HK1: variants seen among roughly 807,000 people sequenced by gnomAD.
The protein encoded by HK1 is hexokinase 1.
HK1 carries 28 observed loss-of-function variants against 91.6 expected under a neutral mutation model. That is an observed-to-expected ratio of 0.31 (90% CI 0.23 to 0.42). The LOEUF is 0.42. Among genes scored for constraint, HK1 ranks in the 10% least tolerant of loss-of-function variants. The pLI, the probability that HK1 is intolerant of heterozygous loss-of-function variation, is 1.00. For synonymous variants in HK1, 430 were observed against 468.1 expected, an observed-to-expected ratio of 0.92 and a Z score of 1.05; for missense variants, 770 against 1,219.8, an observed-to-expected ratio of 0.63 and a Z score of 5.49.
chr10:69,308,248 G>T (rs146469488), intron 5 of HK1, among the ~76,000 whole-genome samples: 1 of 152,064 alleles, frequency 6.6e-6, no homozygotes, highest in Non-Finnish European at 1.5e-5. Context: ...GGATGGTTTC[G>T]GGGTGAAACT....
upstream of HK1, among the ~76,000 whole-genome samples, chr10:69,315,467 G>A (rs1215401677): frequency 6.6e-6 from 1 of 152,172 alleles, no homozygotes; most frequent in Non-Finnish European, 1.5e-5. Context: ...GAGTTCAGGG[G>A]ACTTGAAGGG....
Position 69,398,747 on chromosome 10 carries a change from A to G in HK1, c.2528A>G (p.Asp843Gly). Residue 843 changes from aspartate to glycine, a missense_variant, in exon 17 of 18, where the codon GAT (aspartate) becomes GGT (glycine). By Grantham distance (94) the Asp-to-Gly change is moderately conservative. This residue lies in a region of HK1 where 78 missense variants were observed against 99.0 expected (regional missense o/e 0.79). Coordinates refer to ENST00000359426, the MANE Select transcript of HK1 (RefSeq NM_000188.3). Reference sequence around the variant, plus strand: ...GGCGCAGGCATGGCTGCGGTTGTGGATAAGATCCGCGAGAACAGAGGACTG... The same window carrying G: ...GGCGCAGGCATGGCTGCGGTTGTGGGTAAGATCCGCGAGAACAGAGGACTG... ...LCGAGMAAVV[D>G]KIRENRGLDR... is the part of the protein sequence containing the mutation. 6.2e-7 allele frequency: 1 copy of G among 1,614,198 alleles called. No homozygotes were observed. Among genetic ancestry groups the G allele is most frequent in the Non-Finnish European group, 8.5e-7 (1 of 1,180,016 alleles).
At chr10:69,346,097 T>C (rs935803445) in intron 2 of HK1, among the ~76,000 whole-genome samples, 1 of 137,268 alleles carries the variant, frequency 7.3e-6, no homozygotes, top group Non-Finnish European at 1.6e-5. Context: ...GTGCCGGGCT[T>C]CTGTCTTCAC....
intron 2 of HK1, among the ~76,000 whole-genome samples, chr10:69,287,453 G>A (rs1245282616): frequency 6.6e-6 from 1 of 152,146 alleles, no homozygotes; most frequent in Non-Finnish European, 1.5e-5. Context: ...ATGTGGGTTG[G>A]GACACAAAGC....
intron 16 of HK1, among the ~76,000 whole-genome samples, chr10:69,398,178 AT>A (rs1414159499): frequency 1.3e-5 from 2 of 152,230 alleles, no homozygotes; most frequent in African/African-American, 4.8e-5. Context: ...TAAAGAAATC[AT>A]GGTGCATCCC....
chr10:69,394,443 C>T (rs1010450943), intron 15 of HK1, among the ~76,000 whole-genome samples: 8 of 152,306 alleles, frequency 5.3e-5, no homozygotes, highest in African/African-American at 1.9e-4. Context: ...AGTTTTTGGG[C>T]ACTTTCCTGA....
intron 3 of HK1, among the ~76,000 whole-genome samples, chr10:69,289,066 C>T (rs1466313789): frequency 2.0e-5 from 3 of 151,958 alleles, no homozygotes; most frequent in Non-Finnish European, 4.4e-5. Context: ...GATTACAAGC[C>T]GCTCTGGTGT....
intron 2 of HK1, among the ~76,000 whole-genome samples, chr10:69,283,974 C>T (rs1844898025): frequency 6.6e-6 from 1 of 152,132 alleles, no homozygotes; most frequent in South Asian, 2.1e-4. Flanking sequence ...TGGGCCAAAG[C>T]TCACTATAGT....
At chr10:69,329,282 C>T (rs1364719162) in intron 1 of HK1, among the ~76,000 whole-genome samples, 1 of 151,984 alleles carries the variant, frequency 6.6e-6, no homozygotes, top group Non-Finnish European at 1.5e-5. Flanking sequence ...CCTGCCTCAG[C>T]CTCCCAAGTA....
intron 9 of HK1, 97 bp from the exon 10 acceptor site, chr10:69,382,390 A>C (rs1332498176): frequency 9.9e-6 from 13 of 1,316,154 alleles, no homozygotes; most frequent in Non-Finnish European, 1.3e-5. Flanking sequence ...AAAGGAAAAG[A>C]AAAAAGAGTT....
At chr10:69,332,482 G>A (rs767449747) in intron 1 of HK1, among the ~76,000 whole-genome samples, 5 of 151,882 alleles carry the variant, frequency 3.3e-5, no homozygotes, top group Middle Eastern at 3.2e-3. Flanking sequence ...TGGTTCAAGC[G>A]GTTCTCATGC....
At chr10:69,361,374 C>T (rs1049008007) in intron 3 of HK1, among the ~76,000 whole-genome samples, 2 of 152,250 alleles carry the variant, frequency 1.3e-5, no homozygotes, top group African/African-American at 4.8e-5. Flanking sequence ...GTCTCTTGAC[C>T]ATGCCCAGTT....
At chr10:69,372,535 T>TG in intron 7 of HK1, among the ~76,000 whole-genome samples, 2 of 152,296 alleles carry the variant, frequency 1.3e-5, no homozygotes, top group Middle Eastern at 6.8e-3. Flanking sequence ...ATTTGACTGA[T>TG]GGGAAAATTA....
chr10:69,333,583 C>G (rs1383051473), intron 1 of HK1, among the ~76,000 whole-genome samples: 1 of 152,044 alleles, frequency 6.6e-6, no homozygotes, highest in African/African-American at 2.4e-5. Context: ...AGGCCCTACT[C>G]AGGTTCTCCT....
intron 1 of HK1, chr10:69,338,760 A>G: frequency 8.5e-7 from 1 of 1,178,808 alleles, no homozygotes; most frequent in Non-Finnish European, 1.1e-6. Flanking sequence ...TGTGTGTGAG[A>G]GATTGTGTAT....
At chr10:69,311,746 C>T (rs371189389), upstream of HK1, among the ~76,000 whole-genome samples, 2 of 152,114 alleles carry the variant, frequency 1.3e-5, no homozygotes, top group African/African-American at 4.8e-5. Context: ...AAGCAATTCT[C>T]CTGCCTCAGC....
intron 7 of HK1, among the ~76,000 whole-genome samples, chr10:69,375,286 T>G (rs1335578541): frequency 2.0e-5 from 3 of 152,144 alleles, no homozygotes; most frequent in Non-Finnish European, 4.4e-5. Flanking sequence ...TTAACCCATA[T>G]CCTCCATATA....
intron 8 of HK1, 110 bp downstream of exon 8, chr10:69,377,199 A>G (rs1318122711): frequency 1.5e-6 from 2 of 1,315,230 alleles, no homozygotes; most frequent in East Asian, 2.3e-5. Context: ...CAAGAGTGTC[A>G]TGGCTTTCTG....
chr10:69,278,592 T>C (rs1263636563), intron 1 of HK1: 1 of 152,202 alleles, frequency 6.6e-6, no homozygotes, highest in African/African-American at 2.4e-5. Context: ...ATCCGAACTG[T>C]TGGACGGCGT....
Sources: allele counts gnomAD v4.1 joint callset (sites outside exome capture counted in the v4.1 genomes callset), GRCh38; gene constraint gnomAD v4.1.1; regional missense constraint gnomAD v4.1.1; transcripts MANE v1.5; gene names NCBI Gene and HGNC (gene_info 2026-07-23, HGNC 2026-07-21).